The following ATG13 variants were observed in gnomAD, a reference collection of about 807,000 sequenced individuals.
ATG13 encodes the protein autophagy-related protein 13.
A neutral mutation model predicts 65.5 loss-of-function variants in ATG13; 23 were observed. That is an observed-to-expected ratio of 0.35 (90% CI 0.25 to 0.50). The LOEUF (loss-of-function observed/expected upper bound fraction) is 0.50, where lower values mean the gene tolerates loss of function less well. Among genes scored for constraint, ATG13 ranks in the 20% least tolerant of loss-of-function variants. ATG13 has a pLI of 0.98. For missense variants in ATG13, 566 were observed against 677.0 expected (o/e 0.84, Z 1.82); for synonymous variants, 252 against 245.2 (o/e 1.03, Z -0.26).
At chr11:46,647,518 T>C (rs771236398) in intron 5 of ATG13, among the ~76,000 whole-genome samples, 50 of 152,040 alleles carry the variant, frequency 3.3e-4, no homozygotes, top group Non-Finnish European at 6.5e-4. Flanking sequence ...CTTCAGGTGA[T>C]CCACCTGCGT....
intron 7 of ATG13, among the ~76,000 whole-genome samples, chr11:46,655,004 C>G (rs979161609): frequency 1.3e-5 from 2 of 152,010 alleles, no homozygotes; most frequent in African/African-American, 4.8e-5. Flanking sequence ...GAGGCTGAGG[C>G]ACAAGAATCG....
Position 46,645,397 on chromosome 11 carries a change from C to T in ATG13, c.128C>T (p.Ser43Phe). Residue 43 changes from serine (S) to phenylalanine (F), a missense_variant, in exon 4 of 19, where the codon TCT (serine) becomes TTT (phenylalanine). Coordinates refer to ENST00000683050, the MANE Select transcript of ATG13 (RefSeq NM_001346311.2). ...GAAAAGATTTGCACTCGTTCATCATCTTCTCCAACGGGTTCAGATTGGGTA... is the reference window on the plus strand; with the variant it reads ...GAAAAGATTTGCACTCGTTCATCATTTTCTCCAACGGGTTCAGATTGGGTA... Reference protein sequence around the residue: ...LGEKICTRSSSSPTGSDWFNL... With the variant: ...LGEKICTRSSFSPTGSDWFNL... 2 of 1,613,754 alleles carry T rather than the reference C, an allele frequency of 1.2e-6. No homozygotes were observed. Among genetic ancestry groups the T allele is most frequent in the Non-Finnish European group, 1.7e-6 (2 of 1,179,908 alleles).
intron 1 of ATG13, among the ~76,000 whole-genome samples, chr11:46,629,147 G>A (rs1591526208): frequency 6.6e-6 from 1 of 151,408 alleles, no homozygotes; most frequent in Non-Finnish European, 1.5e-5. Flanking sequence ...TTCACCATGT[G>A]GGCTAGGCTG....
At chr11:46,645,294 CT>C in intron 3 of ATG13, 44 bp from the exon 4 acceptor site, 5 of 1,569,150 alleles carry the variant, frequency 3.2e-6, no homozygotes, top group South Asian at 1.2e-5. Context: ...TAGTCTAAGA[CT>C]TTTCATCATT....
chr11:46,627,370 C>A (rs900076389), intron 1 of ATG13, among the ~76,000 whole-genome samples: 1 of 151,976 alleles, frequency 6.6e-6, no homozygotes, highest in Non-Finnish European at 1.5e-5. Context: ...CAGAGCAAGA[C>A]TCTGTCTCAA....
At position 46,656,282 on chromosome 11, in the gene ATG13, C is replaced by G. The variant is rs746898312; in HGVS notation, c.499+9C>G. On this transcript the variant is annotated intron_variant, in intron 8 of 18. Coordinates refer to ENST00000683050, the MANE Select transcript of ATG13 (RefSeq NM_001346311.2). Reference sequence around the variant, plus strand: ...GAGTGGCTTAGGAGAAGGTATGTATCAACGGTTGAAAAACATCGTAGTGTT... The same window carrying G: ...GAGTGGCTTAGGAGAAGGTATGTATGAACGGTTGAAAAACATCGTAGTGTT... 6.2e-7 allele frequency: 1 copy of G among 1,609,744 alleles called. No homozygotes were observed. Among genetic ancestry groups the G allele is most frequent in the Non-Finnish European group, 8.5e-7 (1 of 1,176,150 alleles).
chr11:46,627,589 G>A (rs1174730204), intron 1 of ATG13, among the ~76,000 whole-genome samples: 5 of 151,418 alleles, frequency 3.3e-5, no homozygotes, highest in African/African-American at 1.2e-4. Context: ...TCCTGCCTCA[G>A]CCTCCCAAGT....
chr11:46,648,320 G>T (rs1334642966), intron 5 of ATG13, among the ~76,000 whole-genome samples: 1 of 152,136 alleles, frequency 6.6e-6, no homozygotes, highest in South Asian at 2.1e-4. Flanking sequence ...GAGCCACCAT[G>T]CCTGGCCCAG....
chr11:46,669,325 C>T, intron 17 of ATG13, 79 bp from the exon 18 acceptor site: 12 of 1,532,456 alleles, frequency 7.8e-6, no homozygotes, highest in Non-Finnish European at 8.9e-6. Flanking sequence ...TTGATAATTG[C>T]TAGAAGGAAA....
intron 15 of ATG13, 25 bp downstream of exon 15, chr11:46,667,912 G>T (rs749612390): frequency 1.3e-6 from 2 of 1,563,962 alleles, no homozygotes; most frequent in Non-Finnish European, 1.8e-6. Context: ...ACTGCCACCT[G>T]TGAGAATGTC....
chr11:46,665,665 TG>T (rs2062149758), intron 14 of ATG13, 146 bp downstream of exon 14: 1 of 1,169,520 alleles, frequency 8.6e-7, no homozygotes, highest in African/African-American at 1.5e-5. Flanking sequence ...GACTCCTAGC[TG>T]GGAGTGGTGG....
chr11:46,622,476 A>G (rs886645991), intron 1 of ATG13, among the ~76,000 whole-genome samples: 1 of 152,192 alleles, frequency 6.6e-6, no homozygotes, highest in Admixed American at 6.5e-5. Flanking sequence ...AAAAATATAA[A>G]CAAGAAACTG....
chr11:46,634,062 A>G (rs1038680114), intron 2 of ATG13, among the ~76,000 whole-genome samples: 2 of 151,784 alleles, frequency 1.3e-5, no homozygotes, highest in Non-Finnish European at 2.9e-5. Flanking sequence ...TTGAAGTCAC[A>G]TAACCTATTT....
intron 1 of ATG13, among the ~76,000 whole-genome samples, chr11:46,621,926 T>C (rs1419403977): frequency 6.6e-6 from 1 of 151,628 alleles, no homozygotes; most frequent in Non-Finnish European, 1.5e-5. Context: ...ATCTGGAATA[T>C]CTACCATTTT....
intron 5 of ATG13, among the ~76,000 whole-genome samples, chr11:46,648,188 TG>T (rs2058128137): frequency 6.6e-6 from 1 of 151,148 alleles, no homozygotes; most frequent in Non-Finnish European, 1.5e-5. Context: ...CTTCCCCTCC[TG>T]GGTTCAAGCG....
At chr11:46,629,427 C>T (rs1193866477) in intron 1 of ATG13, among the ~76,000 whole-genome samples, 1 of 152,090 alleles carries the variant, frequency 6.6e-6, no homozygotes, top group Non-Finnish European at 1.5e-5. Flanking sequence ...GACAGAGTCT[C>T]AGTCTTGTTG....
At chr11:46,666,773 C>T (rs1418091110) in intron 14 of ATG13, among the ~76,000 whole-genome samples, 2 of 152,146 alleles carry the variant, frequency 1.3e-5, no homozygotes, top group African/African-American at 2.4e-5. Context: ...ACCTGCCCTA[C>T]CCTCCCTTGA....
At chr11:46,662,800 A>C (rs902101678) in intron 11 of ATG13, among the ~76,000 whole-genome samples, 8 of 152,036 alleles carry the variant, frequency 5.3e-5, no homozygotes, top group Non-Finnish European at 1.2e-4. Context: ...CTTCTATTGG[A>C]GCTTTTGCTG....
At chr11:46,645,803 T>C in intron 4 of ATG13, 67 bp from the exon 5 acceptor site, 7 of 1,598,032 alleles carry the variant, frequency 4.4e-6, no homozygotes, top group Non-Finnish European at 6.0e-6. Flanking sequence ...TTACCCAGCA[T>C]ACACTAATTT....
Sources: gnomAD v4.1 joint callset for allele counts (sites outside exome capture counted in the v4.1 genomes callset) on GRCh38, gnomAD v4.1.1 for gene constraint, MANE v1.5 for transcripts, NCBI Gene and HGNC (gene_info 2026-07-23, HGNC 2026-07-21) for gene names.